The following TAFA2 variants were observed in gnomAD, a reference collection of about 807,000 sequenced individuals.
The protein encoded by TAFA2 is chemokine-like protein TAFA-2.
Under a neutral mutation model 18.8 loss-of-function variants are expected in TAFA2, and 7 were observed. The ratio of observed to expected loss-of-function variants is 0.37; its 90% confidence interval spans 0.21 to 0.70. The LOEUF (loss-of-function observed/expected upper bound fraction) is 0.70, where lower values mean the gene tolerates loss of function less well. Ranked by LOEUF, TAFA2 falls within the 30% of genes least tolerant of loss-of-function variation. TAFA2 has a pLI of 0.53. For synonymous variants in TAFA2, 60 were observed against 54.2 expected (o/e 1.11, Z -0.47); for missense variants, 122 against 158.1 (o/e 0.77, Z 1.23).
At chr12:62,075,937 C>T (rs1307738349) in intron 1 of TAFA2, among the ~76,000 whole-genome samples, 2 of 152,136 alleles carry the variant, frequency 1.3e-5, no homozygotes, top group Non-Finnish European at 2.9e-5. Flanking sequence ...CTTCCTTACA[C>T]TCTTTTTATT....
At chr12:62,160,522 G>A (rs978135622) in intron 1 of TAFA2, among the ~76,000 whole-genome samples, 24 of 152,168 alleles carry the variant, frequency 1.6e-4, no homozygotes, top group African/African-American at 4.3e-4. Context: ...CGGTGCCTAC[G>A]TCACAGTAAG....
intron 1 of TAFA2, among the ~76,000 whole-genome samples, chr12:61,904,366 G>T (rs930256566): frequency 1.3e-5 from 2 of 152,064 alleles, no homozygotes; most frequent in African/African-American, 2.4e-5. Context: ...AAGTGAGAAG[G>T]TAAAGATTTT....
At chr12:61,742,717 A>G (rs1420345519) in intron 4 of TAFA2, among the ~76,000 whole-genome samples, 1 of 152,252 alleles carries the variant, frequency 6.6e-6, no homozygotes, top group East Asian at 1.9e-4. Flanking sequence ...AGATATCTCT[A>G]CCTCATAGTC....
At position 61,941,903 on chromosome 12, in the gene TAFA2, A is replaced by C. The variant is rs1368394558; in HGVS notation, c.-1-74477T>G. Among the ~76,000 whole-genome samples, 95 of 152,006 alleles carry C rather than the reference A, an allele frequency of 6.2e-4. 1 individual carries two copies. The highest frequency in any genetic ancestry group is 2.1e-3 in the African/African-American group (88 of 41,366). ...GGGCGCCCGCCATTGCCCAGGCTTG[A>C]TTAGGTAAACAAAGCAGCCTGGAAG... On this transcript the variant is annotated intron_variant, in intron 1 of 4. Coordinates refer to ENST00000416284, the MANE Select transcript of TAFA2 (RefSeq NM_178539.5).
At chr12:62,107,346 G>A (rs1373799243) in intron 1 of TAFA2, among the ~76,000 whole-genome samples, 1 of 152,050 alleles carries the variant, frequency 6.6e-6, no homozygotes, top group African/African-American at 2.4e-5. Flanking sequence ...AACTACCAAA[G>A]GGAAGAGCAA....
At position 62,211,393 on chromosome 12, in the gene TAFA2, A is replaced by G. The variant is rs371737103; in HGVS notation, c.-130+47370T>C. 2.6e-5 allele frequency among the ~76,000 whole-genome samples: 4 copies of G among 152,152 alleles called. No homozygotes were observed. The East Asian group carries it at 7.7e-4, about 29-fold the overall frequency. ...CAGGACATCGAGACCATCTTGGCTA[A>G]CATGGTGAAACCCTATCTCTACTAA... On this transcript the variant is annotated intron_variant, in intron 1 of 5. Transcript: ENST00000551619.
At chr12:61,848,144 T>TA (rs1873483775) in intron 2 of TAFA2, among the ~76,000 whole-genome samples, 1 of 152,198 alleles carries the variant, frequency 6.6e-6, no homozygotes, top group African/African-American at 2.4e-5. Flanking sequence ...TTCCTCAAAA[T>TA]ACTCCTACAG....
rs541673950 is a variant in TAFA2 at position 61,802,734 on chromosome 12, G to C, written c.107-47710C>G. Reference sequence around the variant, plus strand: ...TGTACATTTTCAAATAGCTAGAAGAGAGGATTTTGAATGTTCCCAACAGAA... The same window carrying C: ...TGTACATTTTCAAATAGCTAGAAGACAGGATTTTGAATGTTCCCAACAGAA... On this transcript the variant is annotated intron_variant, in intron 2 of 4. Coordinates refer to ENST00000416284, the MANE Select transcript of TAFA2 (RefSeq NM_178539.5). 4.6e-5 allele frequency among the ~76,000 whole-genome samples: 7 copies of C among 152,140 alleles called. No homozygotes were observed. In the East Asian group the frequency reaches 1.4e-3, roughly 29 times the overall value.
At chr12:61,899,293 A>G (rs190996633) in intron 1 of TAFA2, among the ~76,000 whole-genome samples, 37 of 152,220 alleles carry the variant, frequency 2.4e-4, no homozygotes, top group Middle Eastern at 3.4e-3. Flanking sequence ...ATTTTCAAGT[A>G]TCTTTATAGC....
intron 1 of TAFA2, among the ~76,000 whole-genome samples, chr12:61,889,218 G>A (rs1875523421): frequency 6.6e-6 from 1 of 152,168 alleles, no homozygotes; most frequent in Non-Finnish European, 1.5e-5. Flanking sequence ...GTCTCATAAG[G>A]AACCAAGTTA....
chr12:62,009,182 T>C (rs974050478), intron 1 of TAFA2, among the ~76,000 whole-genome samples: 3 of 152,170 alleles, frequency 2.0e-5, no homozygotes, highest in African/African-American at 7.2e-5. Flanking sequence ...CAAAACACAC[T>C]GCTTAAACAA....
At chr12:62,219,675 A>G (rs921988093) in intron 1 of TAFA2, among the ~76,000 whole-genome samples, 2 of 152,202 alleles carry the variant, frequency 1.3e-5, no homozygotes, top group Non-Finnish European at 2.9e-5. Flanking sequence ...CAAATTTACA[A>G]TTAAATCACT....
chr12:62,071,967 T>TA (rs1361998143), intron 1 of TAFA2, among the ~76,000 whole-genome samples: 2 of 152,218 alleles, frequency 1.3e-5, no homozygotes, highest in South Asian at 2.1e-4. Flanking sequence ...CTAATATTTA[T>TA]AAAAAATTAA....
At chr12:61,784,480 T>C (rs577423507) in intron 2 of TAFA2, among the ~76,000 whole-genome samples, 1 of 151,582 alleles carries the variant, frequency 6.6e-6, no homozygotes, top group East Asian at 2.0e-4. Flanking sequence ...AAGGGTTGGG[T>C]TTCTTCGTTC....
intron 1 of TAFA2, among the ~76,000 whole-genome samples, chr12:62,050,488 C>T (rs1190150073): frequency 6.6e-6 from 1 of 151,502 alleles, no homozygotes; most frequent in Admixed American, 6.6e-5. Flanking sequence ...AGGAGACTGG[C>T]GTGAACCCGG....
chr12:61,908,744 G>T (rs7969050), intron 1 of TAFA2, among the ~76,000 whole-genome samples: 1 of 152,098 alleles, frequency 6.6e-6, no homozygotes, highest in Non-Finnish European at 1.5e-5. Context: ...GAACCTATTC[G>T]GAGTAAATTT....
rs143097249 is a variant in TAFA2, at chr12:62,122,482, T to TA, written c.-2+68776dup. Among the ~76,000 whole-genome samples, 10 of 152,342 alleles carry TA rather than the reference T, an allele frequency of 6.6e-5. No individual in the cohort carries two copies. In the East Asian group the frequency reaches 1.9e-3, roughly 29 times the overall value. On this transcript the variant is annotated intron_variant, in intron 1 of 4. Transcript: ENST00000416284. ...GGTGCTCCTTTAAGCATTGACTTTT[T>TA]ATCTCATTTAGCCATTACAACTCCA...
At chr12:61,981,509 A>G (rs1028408661) in intron 1 of TAFA2, among the ~76,000 whole-genome samples, 1 of 152,212 alleles carries the variant, frequency 6.6e-6, no homozygotes, top group Non-Finnish European at 1.5e-5. Flanking sequence ...AACTACCATC[A>G]CAGTGAACAG....
At chr12:62,249,261 C>CT (rs1401263419) in intron 1 of TAFA2, among the ~76,000 whole-genome samples, 1 of 113,008 alleles carries the variant, frequency 8.8e-6, no homozygotes, top group South Asian at 2.8e-4. Context: ...CTGCTCCCTC[C>CT]TTTTTTTTCC....
Sources: gnomAD v4.1 joint callset for allele counts (sites outside exome capture counted in the v4.1 genomes callset) on GRCh38, gnomAD v4.1.1 for gene constraint, MANE v1.5 for transcripts, NCBI Gene and HGNC (gene_info 2026-07-23, HGNC 2026-07-21) for gene names.